The following ERBB4 variants were observed in gnomAD, a reference collection of about 807,000 sequenced individuals.
ERBB4 encodes erb-b2 receptor tyrosine kinase 4.
Under a neutral mutation model 158.0 loss-of-function variants are expected in ERBB4, and 42 were observed. That is an observed-to-expected ratio of 0.27 (90% confidence interval 0.21 to 0.34). The LOEUF (loss-of-function observed/expected upper bound fraction) is 0.34, where lower values mean the gene tolerates loss of function less well. Among genes scored for constraint, ERBB4 ranks in the 10% least tolerant of loss-of-function variants. ERBB4 has a pLI of 1.00. For synonymous variants in ERBB4, 583 were observed against 558.7 expected, an observed-to-expected ratio of 1.04 and a Z score of -0.61; for missense variants, 1,333 against 1,624.1, an observed-to-expected ratio of 0.82 and a Z score of 3.08.
chr2:212,139,805 A>G (rs1254806099), intron 1 of ERBB4, among the ~76,000 whole-genome samples: 1 of 151,986 alleles, frequency 6.6e-6, no homozygotes, highest in African/African-American at 2.4e-5. Context: ...TCTATTTTTA[A>G]TCCTGCCACA....
At chr2:212,169,859 C>A (rs143910027) in intron 1 of ERBB4, among the ~76,000 whole-genome samples, 1 of 152,316 alleles carries the variant, frequency 6.6e-6, no homozygotes, top group Non-Finnish European at 1.5e-5. Flanking sequence ...GCCTCTTCTC[C>A]TTCCTCCATG....
At chr2:211,441,253 C>T (rs1044745521) in intron 20 of ERBB4, among the ~76,000 whole-genome samples, 1 of 152,088 alleles carries the variant, frequency 6.6e-6, no homozygotes, top group African/African-American at 2.4e-5. Context: ...TGCTTTGCAC[C>T]TTGGCTCATT....
At chr2:211,491,117 G>T (rs2065331061) in intron 20 of ERBB4, among the ~76,000 whole-genome samples, 1 of 152,066 alleles carries the variant, frequency 6.6e-6, no homozygotes, top group African/African-American at 2.4e-5. Flanking sequence ...GACACAAAAT[G>T]TTGACATAAA....
At chr2:211,748,703 G>C (rs775185697) in intron 5 of ERBB4, among the ~76,000 whole-genome samples, 2 of 152,156 alleles carry the variant, frequency 1.3e-5, no homozygotes, top group African/African-American at 2.4e-5. Context: ...AAATAAATAA[G>C]TGAATAAATA....
At chr2:211,877,829 C>T (rs2078549556) in intron 3 of ERBB4, among the ~76,000 whole-genome samples, 1 of 152,148 alleles carries the variant, frequency 6.6e-6, no homozygotes, top group Admixed American at 6.5e-5. Context: ...TGCATCAGGC[C>T]AGGCGAGGTG....
At chr2:212,480,920 T>C (rs1279418915) in intron 1 of ERBB4, among the ~76,000 whole-genome samples, 2 of 152,208 alleles carry the variant, frequency 1.3e-5, no homozygotes, top group African/African-American at 2.4e-5. Flanking sequence ...ATTAGCTTTT[T>C]AATTTACATA....
intron 3 of ERBB4, among the ~76,000 whole-genome samples, chr2:211,823,612 C>A (rs961886698): frequency 1.3e-5 from 2 of 151,970 alleles, no homozygotes; most frequent in African/African-American, 4.8e-5. Context: ...TCTTATCTAA[C>A]TTAAAATATC....
At chr2:211,596,855 C>T (rs1309191216) in intron 19 of ERBB4, among the ~76,000 whole-genome samples, 1 of 152,092 alleles carries the variant, frequency 6.6e-6, no homozygotes, top group East Asian at 1.9e-4. Flanking sequence ...ACCTCCACCT[C>T]CCGGGTTCAA....
rs527274149 is a variant in ERBB4 at position 212,357,670 on chromosome 2, C to T, written c.82+180779G>A. Among the ~76,000 whole-genome samples, 8 of 151,708 alleles carry T rather than the reference C, an allele frequency of 5.3e-5. No individual in the cohort carries two copies. The East Asian group carries it at 1.2e-3, about 22-fold the overall frequency. ...ACATTTTCCTTTGACTAACCTCCTT[C>T]GATCTGTTTTAACACTGTAGAGTGC... On this transcript the variant is annotated intron_variant, in intron 1 of 27. Coordinates refer to ENST00000342788, the MANE Select transcript of ERBB4 (RefSeq NM_005235.3).
intron 19 of ERBB4, 145 bp from the exon 20 acceptor site, chr2:211,562,233 G>C (rs947702037): frequency 1.4e-6 from 1 of 713,054 alleles, no homozygotes; most frequent in Non-Finnish European, 2.4e-6. Flanking sequence ...CATAATTTCA[G>C]TTATTCTATC....
At chr2:211,560,262 C>CTTGTTTTTTTTTTTTT (rs2067350417) in intron 20 of ERBB4, among the ~76,000 whole-genome samples, 2 of 46,286 alleles carry the variant, frequency 4.3e-5, no homozygotes, top group Non-Finnish European at 8.2e-5. Flanking sequence ...TGAAGCTTAG[C>CTTGTTTTTTTTTTTTT]TTTTTTTTTT....
intron 1 of ERBB4, among the ~76,000 whole-genome samples, chr2:212,165,345 C>A (rs919432938): frequency 1.3e-5 from 2 of 150,662 alleles, no homozygotes; most frequent in East Asian, 3.9e-4. Flanking sequence ...TTTTTGGCAC[C>A]CCCGTAAATT....
At chr2:211,547,828 T>C (rs2066982603) in intron 20 of ERBB4, among the ~76,000 whole-genome samples, 2 of 152,230 alleles carry the variant, frequency 1.3e-5, no homozygotes, top group South Asian at 4.1e-4. Context: ...TTAAGTTCTT[T>C]ACTTTCTGGA....
intron 20 of ERBB4, among the ~76,000 whole-genome samples, chr2:211,523,660 G>C (rs989236915): frequency 6.6e-6 from 1 of 151,732 alleles, no homozygotes; most frequent in Non-Finnish European, 1.5e-5. Flanking sequence ...TGGTCCCGCC[G>C]GCTTCAGGAG....
intron 3 of ERBB4, among the ~76,000 whole-genome samples, chr2:211,916,105 A>C (rs973707260): frequency 6.6e-6 from 1 of 151,900 alleles, no homozygotes; most frequent in Non-Finnish European, 1.5e-5. Flanking sequence ...AAATATCTAG[A>C]GTGCCCATAT....
chr2:212,139,135 T>A (rs1044395846), intron 1 of ERBB4, among the ~76,000 whole-genome samples: 3 of 152,114 alleles, frequency 2.0e-5, no homozygotes, highest in Non-Finnish European at 4.4e-5. Flanking sequence ...AAATCTATGA[T>A]AAGATATTGA....
chr2:212,413,228 C>T (rs538351046), intron 1 of ERBB4, among the ~76,000 whole-genome samples: 5 of 150,150 alleles, frequency 3.3e-5, no homozygotes, highest in Non-Finnish European at 5.9e-5. Flanking sequence ...CCTCGTGATC[C>T]GCCCGACTCG....
intron 2 of ERBB4, among the ~76,000 whole-genome samples, chr2:212,047,014 T>C (rs940401068): frequency 1.3e-5 from 2 of 152,168 alleles, no homozygotes; most frequent in South Asian, 2.1e-4. Flanking sequence ...GCAAAAATAA[T>C]TCATACAAAG....
At chr2:212,512,525 C>T (rs951985203) in intron 1 of ERBB4, among the ~76,000 whole-genome samples, 16 of 152,108 alleles carry the variant, frequency 1.1e-4, no homozygotes, top group Non-Finnish European at 1.8e-4. Flanking sequence ...GTTTCCATTT[C>T]TAGGCCCTCC....
Sources: gnomAD v4.1 joint callset for allele counts (sites outside exome capture counted in the v4.1 genomes callset) on GRCh38, gnomAD v4.1.1 for gene constraint, MANE v1.5 for transcripts, NCBI Gene and HGNC (gene_info 2026-07-23, HGNC 2026-07-21) for gene names.